AKT3: variants seen among roughly 807,000 people sequenced by gnomAD.
AKT3 encodes the protein RAC-gamma serine/threonine-protein kinase.
Under a neutral mutation model 65.3 loss-of-function variants are expected in AKT3, and 15 were observed. That is an observed-to-expected ratio of 0.23 (90% CI 0.15 to 0.35). AKT3 has a LOEUF of 0.35. Ranked by LOEUF, AKT3 falls within the 10% of genes least tolerant of loss-of-function variation. The probability of loss-of-function intolerance (pLI) is 1.00; values close to 1 mark genes in which losing one functional copy is unlikely to be tolerated. For missense variants in AKT3, 243 were observed against 576.5 expected (o/e 0.42, Z 5.92); for synonymous variants, 206 against 183.8 (o/e 1.12, Z -0.98).
In AKT3 at chr1:243,601,676, G is replaced by A. The variant is rs1677014200; in HGVS notation, c.696+11995C>T. Among the ~76,000 whole-genome samples the A allele has an allele frequency of 2.6e-5, 4 of 152,074 alleles. No individual in the cohort carries two copies. In the Middle Eastern group the frequency reaches 0.01, roughly 388 times the overall value. ...GTAAAGAACCCAAACGTCTATCCAGGGGCAACTATATAAACATATGACTGT... is the reference window on the plus strand; with the variant it reads ...GTAAAGAACCCAAACGTCTATCCAGAGGCAACTATATAAACATATGACTGT... On this transcript the variant is annotated intron_variant, in intron 8 of 13. Transcript: ENST00000673466.
At chr1:243,636,441 T>C (rs1450294755) in intron 6 of AKT3, among the ~76,000 whole-genome samples, 2 of 152,052 alleles carry the variant, frequency 1.3e-5, no homozygotes, top group Non-Finnish European at 2.9e-5. Flanking sequence ...GACATTATAC[T>C]ACCTCCCAGA....
intron 2 of AKT3, among the ~76,000 whole-genome samples, chr1:243,830,173 A>G (rs369964083): frequency 1.4e-4 from 21 of 152,230 alleles, no homozygotes; most frequent in African/African-American, 5.1e-4. Flanking sequence ...TAAACAGGAC[A>G]GTGTAACAAC....
At chr1:243,588,992 T>C (rs988539865) in intron 8 of AKT3, among the ~76,000 whole-genome samples, 1 of 152,098 alleles carries the variant, frequency 6.6e-6, no homozygotes, top group Middle Eastern at 3.4e-3. Flanking sequence ...ATATATCTGA[T>C]AAGAGGTCAA....
chr1:243,730,640 T>C (rs761946400), intron 2 of AKT3, among the ~76,000 whole-genome samples: 1 of 152,154 alleles, frequency 6.6e-6, no homozygotes, highest in Non-Finnish European at 1.5e-5. Context: ...TGGGCCAGCC[T>C]GGGAGCCGCC....
chr1:243,840,180 A>G (rs1213696361), intron 2 of AKT3, among the ~76,000 whole-genome samples: 1 of 152,200 alleles, frequency 6.6e-6, no homozygotes, highest in Admixed American at 6.5e-5. Flanking sequence ...CAAAAAATAA[A>G]ATAAAATAAA....
intron 2 of AKT3, among the ~76,000 whole-genome samples, chr1:243,810,401 T>C (rs552831983): frequency 2.1e-4 from 32 of 152,280 alleles, no homozygotes; most frequent in African/African-American, 7.7e-4. Context: ...TAAACACCTC[T>C]ATGCAAATAA....
At chr1:243,546,121 G>A (rs1672656493) in intron 11 of AKT3, among the ~76,000 whole-genome samples, 1 of 152,092 alleles carries the variant, frequency 6.6e-6, no homozygotes, top group Non-Finnish European at 1.5e-5. Context: ...AGTCTCATGA[G>A]ATCTGATGGT....
At chr1:243,733,335 T>C (rs1287732339) in intron 2 of AKT3, among the ~76,000 whole-genome samples, 2 of 152,226 alleles carry the variant, frequency 1.3e-5, no homozygotes, top group African/African-American at 4.8e-5. Flanking sequence ...ATTATTGTAG[T>C]ATTAACTGAC....
At chr1:243,563,593 A>C in intron 10 of AKT3, 127 bp downstream of exon 10, 9 of 1,219,572 alleles carry the variant, frequency 7.4e-6, no homozygotes, top group Admixed American at 2.9e-5. Flanking sequence ...AGAGCCAAAA[A>C]ATTTTGATTC....
At chr1:243,563,571 T>C (rs962766434) in intron 10 of AKT3, 149 bp downstream of exon 10, 1 of 826,408 alleles carries the variant, frequency 1.2e-6, no homozygotes. Flanking sequence ...AATACCCCAT[T>C]ATAACAAATT....
chr1:243,797,311 C>T (rs754740950), intron 2 of AKT3, among the ~76,000 whole-genome samples: 4 of 152,112 alleles, frequency 2.6e-5, no homozygotes, highest in Non-Finnish European at 4.4e-5. Flanking sequence ...CTTCACAGAA[C>T]TTAGCACTAT....
intron 2 of AKT3, among the ~76,000 whole-genome samples, chr1:243,739,191 C>T: frequency 6.6e-6 from 1 of 152,048 alleles, no homozygotes; most frequent in East Asian, 1.9e-4. Context: ...TTCTAAAAGC[C>T]ATACATAAAA....
rs1694900903 is a variant in AKT3, at chr1:243,836,544, A to G, written c.46+6581T>C. Among the ~76,000 whole-genome samples, 3 of 152,128 alleles carry G rather than the reference A, an allele frequency of 2.0e-5. No homozygotes were observed. In the South Asian group the frequency reaches 6.2e-4, roughly 31 times the overall value. The stretch of plus-strand genomic sequence containing the variant: ...CCAATCATCTTGACTAGATATTTAT[A>G]ACACTATACCCCCAAAAAATAAAAT... On this transcript the variant is annotated intron_variant, in intron 2 of 13. Transcript: ENST00000673466.
chr1:243,514,406 C>T (rs1322661830), intron 12 of AKT3, among the ~76,000 whole-genome samples: 1 of 152,102 alleles, frequency 6.6e-6, no homozygotes, highest in Non-Finnish European at 1.5e-5. Context: ...TTTCAAATGC[C>T]ACGTGTACTG....
At chr1:243,720,887 A>G (rs1222510273) in intron 2 of AKT3, among the ~76,000 whole-genome samples, 1 of 152,182 alleles carries the variant, frequency 6.6e-6, no homozygotes, top group African/African-American at 2.4e-5. Flanking sequence ...GCCACACCAT[A>G]TTCTACTGGC....
intron 2 of AKT3, among the ~76,000 whole-genome samples, chr1:243,785,610 A>G (rs1691212509): frequency 6.6e-6 from 1 of 152,216 alleles, no homozygotes; most frequent in Admixed American, 6.5e-5. Context: ...AAAACTTGCA[A>G]AAAGTCAATC....
At chr1:243,802,826 C>T (rs1692459306) in intron 2 of AKT3, among the ~76,000 whole-genome samples, 1 of 152,040 alleles carries the variant, frequency 6.6e-6, no homozygotes, top group Admixed American at 6.5e-5. Flanking sequence ...TGCTTTTCAG[C>T]AAAACAAAAA....
At chr1:243,587,828 A>G (rs1675918737) in intron 8 of AKT3, among the ~76,000 whole-genome samples, 1 of 152,166 alleles carries the variant, frequency 6.6e-6, no homozygotes, top group African/African-American at 2.4e-5. Flanking sequence ...TTAGTTAACT[A>G]CTAGTTAAGA....
At chr1:243,779,671 A>ATACC (rs1690782525) in intron 2 of AKT3, among the ~76,000 whole-genome samples, 1 of 152,172 alleles carries the variant, frequency 6.6e-6, no homozygotes, top group Non-Finnish European at 1.5e-5. Context: ...TACTGCATGA[A>ATACC]GAACAAAGGT....
Sources: allele counts gnomAD v4.1 joint callset (sites outside exome capture counted in the v4.1 genomes callset), GRCh38; gene constraint gnomAD v4.1.1; transcripts MANE v1.5; gene names NCBI Gene and HGNC (gene_info 2026-07-23, HGNC 2026-07-21).